Variants in CEP290 observed in about 807,000 individuals in gnomAD.
CEP290 encodes centrosomal protein 290.
CEP290 carries 317 observed loss-of-function variants against 344.9 expected under a neutral mutation model. That is an observed-to-expected ratio of 0.92 (90% CI 0.84 to 1.01). The LOEUF (loss-of-function observed/expected upper bound fraction) is 1.01. Among genes scored for constraint, CEP290 ranks in the 50% least tolerant of loss-of-function variants. CEP290 has a pLI of 0.00. For missense variants in CEP290, 2,754 were observed against 2,761.4 expected, an observed-to-expected ratio of 1.00 and a Z score of 0.06; for synonymous variants, 932 against 895.8, an observed-to-expected ratio of 1.04 and a Z score of -0.72.
intron 32 of CEP290, 91 bp from the exon 33 acceptor site, chr12:88,086,589 C>A: frequency 1.2e-6 from 1 of 803,022 alleles, no homozygotes. Flanking sequence ...CTAATCCTCA[C>A]AACACATTGA....
rs757210438 is a variant in CEP290, at chr12:88,093,879, A to G, written c.3200T>C (p.Leu1067Ser). Reference protein sequence around the residue: ...KKITMLEMKELNERQRAEHCQ... With the variant: ...KKITMLEMKESNERQRAEHCQ... Reference sequence around the variant, plus strand: ...ATGTTCAGCCCGCTGCCTTTCATTTAATTCCTTCATTTCCAGCATAGTTAT... The same window carrying G: ...ATGTTCAGCCCGCTGCCTTTCATTTGATTCCTTCATTTCCAGCATAGTTAT... The change falls in exon 28 of 54, where the codon TTA becomes TCA. Residue 1067 changes from leucine to serine, a missense_variant. By Grantham distance (145) the Leu-to-Ser change is moderately radical. Transcript: ENST00000552810. 5 of 1,612,958 alleles carry G rather than the reference A, an allele frequency of 3.1e-6. No individual in the cohort carries two copies. The South Asian group carries it at 5.5e-5, about 18-fold the overall frequency.
Position 88,080,278 on chromosome 12 carries a change from A to G in CEP290, c.5130T>C (p.Ala1710=). ...GAGCTCTTGAATTTGCTTCTTTTTG[A>G]GCCTGAAGTTCAGATTTTAAACACT... ...ESQCLKSELQ[A]QKEANSRAPT... Residue 1710 remains alanine (A), a synonymous_variant, in exon 38 of 54, where the codon GCT becomes GCC. Coordinates refer to ENST00000552810, the MANE Select transcript of CEP290 (RefSeq NM_025114.4). 1 of 1,613,516 alleles carries G rather than the reference A, an allele frequency of 6.2e-7. No individual in the cohort carries two copies. Among genetic ancestry groups the G allele is most frequent in the Non-Finnish European group, 8.5e-7 (1 of 1,179,782 alleles).
intron 40 of CEP290, 91 bp downstream of exon 40, chr12:88,077,606 A>C: frequency 1.2e-6 from 1 of 848,340 alleles, no homozygotes; most frequent in African/African-American, 1.8e-5. Context: ...AGTCAGTTTT[A>C]ACAAATACCA....
chr12:88,109,587 A>T (rs1377861297), intron 22 of CEP290, among the ~76,000 whole-genome samples: 1 of 152,152 alleles, frequency 6.6e-6, no homozygotes, highest in Non-Finnish European at 1.5e-5. Context: ...ACTCATTAAC[A>T]CTACACTTGG....
At position 88,122,928 on chromosome 12, in the gene CEP290, C is replaced by T. The variant is rs553758224; in HGVS notation, c.1190-1762G>A. Among the ~76,000 whole-genome samples, 11 of 152,166 alleles carry T rather than the reference C, an allele frequency of 7.2e-5. No homozygotes were observed. The South Asian group carries it at 8.3e-4, about 11-fold the overall frequency. ...CCTCAAACTTATGAAACATCTTCTC[C>T]TATCCTCACCTTCAGCTAAGAACCT... is the stretch of plus-strand genomic sequence containing the variant. On this transcript the variant is annotated intron_variant, in intron 13 of 53. Transcript: ENST00000552810.
Position 88,089,490 on chromosome 12 carries a change from G to C in CEP290, c.3574-3C>G, listed in dbSNP as rs781450470. 4.0e-5 allele frequency: 54 copies of C among 1,334,502 alleles called. No individual in the cohort carries two copies. The highest frequency in any genetic ancestry group is 4.8e-6 in the Non-Finnish European group (5 of 1,040,444). 82.7% of individuals were successfully genotyped at this position (1,334,502 alleles called of 1,614,324 possible). A position where few individuals can be genotyped will look rare whatever the true frequency, so the allele number is the denominator to read the frequency against. ...AGCGACTTTTCATCAGACTGTGCCT[G>C]ATATTAAAAAAAATATATATTTGTA... On this transcript the variant is annotated splice_region_variant and splice_polypyrimidine_tract_variant and intron_variant, in intron 30 of 53. Transcript: ENST00000552810.
At chr12:88,068,493 G>GA (rs768452043) in intron 44 of CEP290, 29 bp downstream of exon 44, 10 of 1,363,854 alleles carry the variant, frequency 7.3e-6, no homozygotes, top group Non-Finnish European at 6.8e-6. Context: ...ATGGAAAAAA[G>GA]AAAAAAATAA....
chr12:88,077,703 T>C lies in CEP290; in HGVS notation c.5580A>G (p.Gly1860=). ...GAGTTAAATATAAAATTACCTGTAA[T>C]CCACTGGTTAGTCTTTTAATTTGCC... ...LKRQIKRLTS[G]LQGKPLTDNK... The change falls in exon 40 of 54, where the codon GGA becomes GGG. Residue 1860 remains glycine (G), a synonymous_variant. Transcript: ENST00000552810. 6.6e-7 allele frequency: 1 copy of C among 1,522,370 alleles called. No individual in the cohort carries two copies. 94.3% of individuals were successfully genotyped at this position (1,522,370 alleles called of 1,614,324 possible).
Position 88,053,652 on chromosome 12 carries a change from C to T in CEP290, c.7129G>A (p.Asp2377Asn). 6.8e-7 allele frequency: 1 copy of T among 1,466,936 alleles called. No homozygotes were observed. The highest frequency in any genetic ancestry group is 1.3e-5 in the South Asian group (1 of 77,868). 90.9% of individuals were successfully genotyped at this position (1,466,936 alleles called of 1,614,324 possible). ...DQSGAESTIP[D>N]ADQLKEKIKD... ...TAACATGTTTTTTAAAATACATTACCAGGTATGGTGCTTTCAGCTCCACTT... is the reference window on the plus strand; with the variant it reads ...TAACATGTTTTTTAAAATACATTACTAGGTATGGTGCTTTCAGCTCCACTT... Residue 2377 changes from aspartate to asparagine, a missense_variant and splice_region_variant, in exon 52 of 54, where the codon GAT (aspartate) becomes AAT (asparagine). Asp to Asn is a conservative substitution (Grantham distance 23). Transcript: ENST00000552810.
Position 88,074,700 on chromosome 12 carries a change from G to A in CEP290, c.5709+2522C>T, listed in dbSNP as rs2035630063. ...GTAATCTTCCCCTGCCTTTCTGACT[G>A]TGGGTCTTAAAACCCTAATACGAGG... On this transcript the variant is annotated intron_variant, in intron 41 of 53. Transcript: ENST00000552810. Among the ~76,000 whole-genome samples the A allele has an allele frequency of 1.3e-5, 2 of 152,150 alleles. 1 individual carries two copies. The highest frequency in any genetic ancestry group is 4.1e-4 in the South Asian group (2 of 4,832).
chr12:88,130,430 A>G lies in CEP290; in HGVS notation c.517-10T>C. 1.4e-5 allele frequency: 23 copies of G among 1,602,200 alleles called. No homozygotes were observed. Among genetic ancestry groups the G allele is most frequent in the Non-Finnish European group, 2.0e-5 (23 of 1,176,752 alleles). On this transcript the variant is annotated splice_polypyrimidine_tract_variant and intron_variant, in intron 8 of 53. Coordinates refer to ENST00000552810, the MANE Select transcript of CEP290 (RefSeq NM_025114.4). Reference sequence around the variant, plus strand: ...GACAAAGTTGTTCATTCTGAAGGTAACCAAACACAACATTCAATTACAAAA... The same window carrying G: ...GACAAAGTTGTTCATTCTGAAGGTAGCCAAACACAACATTCAATTACAAAA...
chr12:88,118,995 G>C (rs2039243143), intron 15 of CEP290, among the ~76,000 whole-genome samples: 1 of 152,146 alleles, frequency 6.6e-6, no homozygotes, highest in African/African-American at 2.4e-5. Flanking sequence ...TTTAAGCACA[G>C]AAAATATGAT....
At chr12:88,077,161 A>G in intron 41 of CEP290, 61 bp downstream of exon 41, 1 of 1,489,554 alleles carries the variant, frequency 6.7e-7, no homozygotes, top group Non-Finnish European at 9.1e-7. Context: ...TTAATCAGCT[A>G]TGTATTTAAC....
At chr12:88,132,557 T>C (rs920796125) in intron 6 of CEP290, among the ~76,000 whole-genome samples, 2 of 152,188 alleles carry the variant, frequency 1.3e-5, no homozygotes, top group Non-Finnish European at 2.9e-5. Flanking sequence ...GTGCAAAGTA[T>C]CATATCTGCA....
intron 17 of CEP290, among the ~76,000 whole-genome samples, chr12:88,118,181 T>C (rs2039172526): frequency 6.6e-6 from 1 of 152,054 alleles, no homozygotes; most frequent in Non-Finnish European, 1.5e-5. Context: ...AACATATTGG[T>C]GCTGTCTAGA....
chr12:88,057,567 G>A (rs890862217), intron 49 of CEP290, among the ~76,000 whole-genome samples: 1 of 152,108 alleles, frequency 6.6e-6, no homozygotes, highest in Admixed American at 6.6e-5. Context: ...TTCTCACCTT[G>A]ACACTGGCTT....
At chr12:88,128,852 T>C (rs2039890353) in intron 11 of CEP290, 94 bp downstream of exon 11, 2 of 675,256 alleles carry the variant, frequency 3.0e-6, no homozygotes, top group East Asian at 6.7e-5. Flanking sequence ...AAACGTGTTA[T>C]AAACCAGTAT....
chr12:88,053,969 AGTGT>A (rs1409861523), intron 51 of CEP290, among the ~76,000 whole-genome samples: 1 of 152,128 alleles, frequency 6.6e-6, no homozygotes, highest in African/African-American at 2.4e-5. Flanking sequence ...GGCATTTGCA[AGTGT>A]GGTTTCGTTA....
At chr12:88,054,883 T>G (rs2033873633) in intron 50 of CEP290, among the ~76,000 whole-genome samples, 1 of 152,012 alleles carries the variant, frequency 6.6e-6, no homozygotes, top group African/African-American at 2.4e-5. Flanking sequence ...AATATTTGGG[T>G]GAACAGTATT....
Sources: gnomAD v4.1 joint callset for allele counts (sites outside exome capture counted in the v4.1 genomes callset) on GRCh38, gnomAD v4.1.1 for gene constraint, MANE v1.5 for transcripts, NCBI Gene and HGNC (gene_info 2026-07-23, HGNC 2026-07-21) for gene names.